PCDH11X: variants seen among roughly 807,000 people sequenced by gnomAD.
PCDH11X encodes protocadherin 11 X-linked.
A neutral mutation model predicts 53.3 loss-of-function variants in PCDH11X; 18 were observed. The observed-to-expected ratio is 0.34, with a 90% CI of 0.23 to 0.50. The LOEUF is 0.50. Among genes scored for constraint, PCDH11X ranks in the 20% least tolerant of loss-of-function variants. PCDH11X has a pLI of 0.98. For missense variants in PCDH11X, 570 were observed against 1,032.4 expected (o/e 0.55, Z 6.14); for synonymous variants, 279 against 393.3 (o/e 0.71, Z 3.44).
chrX:92,150,682 T>C (rs1166639279), intron 6 of PCDH11X, among the ~76,000 whole-genome samples: 3 of 111,478 alleles, frequency 2.7e-5, no homozygotes, highest in Non-Finnish European at 5.6e-5. Context: ...ATAGTATATA[T>C]ATTCCCATGT....
At chrX:92,130,883 G>A (rs1236071875) in intron 6 of PCDH11X, among the ~76,000 whole-genome samples, 1 of 109,103 alleles carries the variant, frequency 9.2e-6, no homozygotes, top group Non-Finnish European at 1.9e-5. Flanking sequence ...TAGGTACAAC[G>A]ACCTAGAAAA....
intron 10 of PCDH11X, among the ~76,000 whole-genome samples, chrX:92,527,374 G>A (rs1397364834): frequency 1.8e-5 from 2 of 109,750 alleles, no homozygotes; most frequent in South Asian, 7.8e-4. Context: ...AAACATCTCA[G>A]GTACCCCATG....
In PCDH11X at chrX:92,201,369, C is replaced by T. The variant is rs371805367; in HGVS notation, c.3034-6C>T. ...TAAAATACTTCTATTTTCTTCCCTTCTAAAGCCAATGAAGGAGGTTGTGCG... is the reference window on the plus strand; with the variant it reads ...TAAAATACTTCTATTTTCTTCCCTTTTAAAGCCAATGAAGGAGGTTGTGCG... On this transcript the variant is annotated splice_region_variant and splice_polypyrimidine_tract_variant and intron_variant, in intron 6 of 10. Transcript: ENST00000682573. 9 of 1,194,862 alleles carry T rather than the reference C, an allele frequency of 7.5e-6. No homozygotes were observed. The highest frequency in any genetic ancestry group is 1.0e-5 in the Non-Finnish European group (9 of 885,862).
chrX:91,908,742 T>G (rs1295688207), intron 6 of PCDH11X, among the ~76,000 whole-genome samples: 2 of 108,195 alleles, frequency 1.8e-5, no homozygotes, highest in Admixed American at 2.0e-4. Context: ...GAGGCAGAGG[T>G]TGCAGTGAAC....
chrX:92,301,758 G>T (rs2068729486), intron 8 of PCDH11X, among the ~76,000 whole-genome samples: 2 of 108,803 alleles, frequency 1.8e-5, no homozygotes, highest in Non-Finnish European at 1.9e-5. Flanking sequence ...GCCTGGTTCT[G>T]GTGTCAGGAA....
intron 6 of PCDH11X, among the ~76,000 whole-genome samples, chrX:92,026,914 T>A (rs1045373370): frequency 3.4e-5 from 3 of 87,008 alleles, no homozygotes; most frequent in African/African-American, 1.3e-4. Context: ...AAGAATTGTA[T>A]CCACTTGCAA....
chrX:91,895,877 ATATGT>A (rs1016396819), intron 6 of PCDH11X, among the ~76,000 whole-genome samples: 15 of 105,354 alleles, frequency 1.4e-4, no homozygotes, highest in African/African-American at 3.1e-4. Flanking sequence ...ATACATATAC[ATATGT>A]TATGTATTAT....
At chrX:92,331,899 C>A (rs1442990439) in intron 8 of PCDH11X, among the ~76,000 whole-genome samples, 2 of 111,565 alleles carry the variant, frequency 1.8e-5, no homozygotes, top group Non-Finnish European at 1.9e-5. Context: ...TACATCATTA[C>A]AACTATAATT....
intron 10 of PCDH11X, among the ~76,000 whole-genome samples, chrX:92,555,475 T>A: frequency 8.9e-6 from 1 of 112,196 alleles, no homozygotes; most frequent in Non-Finnish European, 1.9e-5. Flanking sequence ...ATAATAATAC[T>A]GTAATCCTGA....
At chrX:92,188,600 G>A (rs756988357) in intron 6 of PCDH11X, among the ~76,000 whole-genome samples, 4 of 111,536 alleles carry the variant, frequency 3.6e-5, no homozygotes, top group African/African-American at 6.5e-5. Context: ...GGAGGGCATC[G>A]TCTTCCAATT....
chrX:91,938,984 T>C (rs1156527002), intron 6 of PCDH11X, among the ~76,000 whole-genome samples: 1 of 111,202 alleles, frequency 9.0e-6, no homozygotes, highest in South Asian at 3.7e-4. Context: ...GAAGCAAAGA[T>C]TAGTGAACAT....
intron 1 of PCDH11X, among the ~76,000 whole-genome samples, chrX:91,779,924 G>A (rs1935070375): frequency 9.0e-6 from 1 of 111,578 alleles, no homozygotes; most frequent in African/African-American, 3.3e-5. Context: ...GCTGCGCTTG[G>A]TTACTTTGGG....
intron 6 of PCDH11X, chrX:91,983,492 G>T (rs975347748): frequency 5.7e-6 from 3 of 530,168 alleles, no homozygotes; most frequent in African/African-American, 2.3e-5. Flanking sequence ...GGCATACATG[G>T]GTGGCACAGC....
chrX:91,890,090 T>A (rs1206960406), intron 6 of PCDH11X, among the ~76,000 whole-genome samples: 2 of 105,715 alleles, frequency 1.9e-5, no homozygotes, highest in African/African-American at 6.9e-5. Flanking sequence ...TATACCTAAT[T>A]GTGTGTCTAG....
At chrX:91,814,459 GA>G (rs763776452) in intron 4 of PCDH11X, among the ~76,000 whole-genome samples, 13 of 106,945 alleles carry the variant, frequency 1.2e-4, no homozygotes, top group East Asian at 1.2e-3. Context: ...TAAATTACAT[GA>G]AAAAAAATTT....
chrX:92,237,994 C>A lies in PCDH11X; in HGVS notation c.3115-25120C>A, dbSNP rs191730545. ...TGTTTCTTATCAGTCATGAACACAGCAAGCTTATCTCAATATTTTATCCAT... is the reference window on the plus strand; with the variant it reads ...TGTTTCTTATCAGTCATGAACACAGAAAGCTTATCTCAATATTTTATCCAT... On this transcript the variant is annotated intron_variant, in intron 7 of 10. Coordinates refer to ENST00000682573, the MANE Select transcript of PCDH11X (RefSeq NM_032968.5). 6.3e-5 allele frequency among the ~76,000 whole-genome samples: 7 copies of A among 111,553 alleles called. No individual in the cohort carries two copies. In the East Asian group the frequency reaches 2.0e-3, roughly 31 times the overall value.
At chrX:92,111,284 C>T (rs369589177) in intron 6 of PCDH11X, among the ~76,000 whole-genome samples, 5 of 93,584 alleles carry the variant, frequency 5.3e-5, no homozygotes, top group African/African-American at 1.6e-4. Flanking sequence ...CATATGTTTT[C>T]GCAATACAGA....
At chrX:91,909,125 C>T (rs898428509) in intron 6 of PCDH11X, among the ~76,000 whole-genome samples, 1 of 110,794 alleles carries the variant, frequency 9.0e-6, no homozygotes, top group East Asian at 2.9e-4. Context: ...TATTTTTACA[C>T]AGTCCTCTTC....
intron 6 of PCDH11X, among the ~76,000 whole-genome samples, chrX:92,158,739 G>T (rs1394029706): frequency 9.1e-6 from 1 of 109,935 alleles, no homozygotes; most frequent in East Asian, 2.9e-4. Flanking sequence ...AGGTTTAAGC[G>T]ATTCTCCTGC....
Sources: gnomAD v4.1 joint callset for allele counts (sites outside exome capture counted in the v4.1 genomes callset) on GRCh38, gnomAD v4.1.1 for gene constraint, MANE v1.5 for transcripts, NCBI Gene and HGNC (gene_info 2026-07-23, HGNC 2026-07-21) for gene names.